Variants in MYO1H observed in about 807,000 individuals in gnomAD.
The protein encoded by MYO1H is unconventional myosin-Ih.
A neutral mutation model predicts 149.3 loss-of-function variants in MYO1H; 118 were observed. The observed-to-expected ratio is 0.79, with a 90% CI of 0.68 to 0.92. The LOEUF (loss-of-function observed/expected upper bound fraction) is 0.92. MYO1H is among the 40% of genes least tolerant of loss of function. The pLI, the probability that MYO1H is intolerant of heterozygous loss-of-function variation, is 0.00. For synonymous variants in MYO1H, 447 were observed against 465.2 expected, an observed-to-expected ratio of 0.96 and a Z score of 0.50; for missense variants, 1,212 against 1,280.7, an observed-to-expected ratio of 0.95 and a Z score of 0.82.
At chr12:109,411,791 G>C in intron 13 of MYO1H, 103 bp from the exon 14 acceptor site, 1 of 747,524 alleles carries the variant, frequency 1.3e-6, no homozygotes, top group Non-Finnish European at 2.2e-6. Context: ...TGAATTGACA[G>C]TCTTTTAGTC....
At position 109,435,749 on chromosome 12, in the gene MYO1H, G is replaced by A. The variant is rs78285408; in HGVS notation, c.2140+636G>A. 2.0e-3 allele frequency among the ~76,000 whole-genome samples: 298 copies of A among 152,326 alleles called. 2 individuals carry two copies. In the East Asian group the frequency reaches 0.027, roughly 14 times the overall value. On this transcript the variant is annotated intron_variant, in intron 21 of 31. Transcript: ENST00000310903. ...TTTCTATGCAGGGAAACTGAGGCAC[G>A]GAGGTGTTGGTAACTTGTTGAAGGC...
intron 22 of MYO1H, 78 bp from the exon 23 acceptor site, chr12:109,438,458 A>G: frequency 8.6e-7 from 1 of 1,158,124 alleles, no homozygotes; most frequent in Non-Finnish European, 1.3e-6. Context: ...TGTTGAATGG[A>G]CAAAGCCTTC....
intron 1 of MYO1H, among the ~76,000 whole-genome samples, chr12:109,362,394 T>A (rs537723029): frequency 2.0e-5 from 3 of 152,346 alleles, no homozygotes; most frequent in Admixed American, 2.0e-4. Flanking sequence ...CACTATGTTT[T>A]GTTTTGTAGG....
chr12:109,327,134 C>CTTTTTTTTTTTTTTTTTTTT, the MYO1H span, among the ~76,000 whole-genome samples: 1 of 94,744 alleles, frequency 1.1e-5, no homozygotes, highest in Non-Finnish European at 2.0e-5. Context: ...TTTTCTTTTT[C>CTTTTTTTTTTTTTTTTTTTT]TTTTTTTTTT....
chr12:109,313,762 G>A, the MYO1H span, among the ~76,000 whole-genome samples: 1 of 152,096 alleles, frequency 6.6e-6, no homozygotes, highest in Admixed American at 6.5e-5. Context: ...CACTGGGCAA[G>A]TTGCAAGAGC....
the MYO1H span, among the ~76,000 whole-genome samples, chr12:109,335,577 AC>A: frequency 2.3e-5 from 3 of 129,344 alleles, no homozygotes; most frequent in African/African-American, 8.0e-5. Context: ...AAACAAACAA[AC>A]AAAAAAAAAA....
In MYO1H at chr12:109,443,174, A is replaced by ATGTGTGTATATG. The variant is rs1872281644; in HGVS notation, c.2689-336_2689-325dup. ...CGTATGTGTGTGTATATGTGTACGT[A>ATGTGTGTATATG]TGTGTGTATATGTGTACGTATATGT... On this transcript the variant is annotated intron_variant, in intron 27 of 31. Coordinates refer to ENST00000310903, the Ensembl canonical transcript of MYO1H. Among the ~76,000 whole-genome samples, 2 of 115,590 alleles carry ATGTGTGTATATG rather than the reference A, an allele frequency of 1.7e-5. 1 individual carries two copies. Among genetic ancestry groups the ATGTGTGTATATG allele is most frequent in the Non-Finnish European group, 3.6e-5 (2 of 56,282 alleles). The allele number at this position is 115,590 out of a possible 152,430, so 75.8% of individuals were successfully genotyped here.
intron 15 of MYO1H, among the ~76,000 whole-genome samples, chr12:109,420,288 C>G (rs961065362): frequency 3.3e-5 from 5 of 152,080 alleles, no homozygotes. Flanking sequence ...CAATGAGGGA[C>G]ATGTTACCCG....
At chr12:109,431,670 C>T (rs1368575715) in intron 19 of MYO1H, among the ~76,000 whole-genome samples, 3 of 152,174 alleles carry the variant, frequency 2.0e-5, no homozygotes, top group Non-Finnish European at 4.4e-5. Flanking sequence ...CTTCTGAATT[C>T]TGCGTTCAGT....
exon 19 of MYO1H, chr12:109,427,511 T>C: frequency 6.2e-7 from 1 of 1,612,736 alleles, no homozygotes; most frequent in Non-Finnish European, 8.5e-7. Flanking sequence ...ATCAAATACC[T>C]GGGGCTGATG....
upstream of MYO1H, among the ~76,000 whole-genome samples, chr12:109,343,401 G>T (rs911972055): frequency 6.6e-6 from 1 of 152,122 alleles, no homozygotes; most frequent in South Asian, 2.1e-4. Flanking sequence ...AGAAACCACA[G>T]CAATCATTTA....
In MYO1H at chr12:109,439,547, C is replaced by T. The variant is rs1872022450; in HGVS notation, c.2295-84C>T. 8.0e-6 allele frequency: 11 copies of T among 1,378,676 alleles called. No individual in the cohort carries two copies. In the South Asian group the frequency reaches 8.3e-5, roughly 10 times the overall value. 85.4% of individuals were successfully genotyped at this position (1,378,676 alleles called of 1,614,324 possible). A position where few individuals can be genotyped will look rare whatever the true frequency, so the allele number is the denominator to read the frequency against. ...TCCACAGCCTCTACCACTTTGGCCGCCTCTGAATCAAAGAAGGGGGAAGAG... is the reference window on the plus strand; with the variant it reads ...TCCACAGCCTCTACCACTTTGGCCGTCTCTGAATCAAAGAAGGGGGAAGAG... On this transcript the variant is annotated intron_variant, in intron 23 of 31. Transcript: ENST00000310903.
the MYO1H span, among the ~76,000 whole-genome samples, chr12:109,325,778 T>A: frequency 6.6e-6 from 1 of 152,196 alleles, no homozygotes; most frequent in East Asian, 1.9e-4. Context: ...GAGACCCTTC[T>A]CAAAAGAAGA....
At chr12:109,316,600 TGTG>T in the MYO1H span, among the ~76,000 whole-genome samples, 5 of 152,206 alleles carry the variant, frequency 3.3e-5, no homozygotes, top group African/African-American at 4.8e-5. Context: ...AATCATTTAG[TGTG>T]AAATTGCAGA....
chr12:109,342,613 G>A, the MYO1H span, among the ~76,000 whole-genome samples: 1 of 149,322 alleles, frequency 6.7e-6, no homozygotes, highest in Non-Finnish European at 1.5e-5. Context: ...TGTGAACATG[G>A]CTCACTGCAG....
rs371693422 is a variant in MYO1H, at chr12:109,443,559, C to T, written c.2734C>T (p.Arg912Trp). 1.7e-5 allele frequency: 27 copies of T among 1,613,648 alleles called. No homozygotes were observed. The highest frequency in any genetic ancestry group is 8.9e-5 in the East Asian group (4 of 44,874). ...ATATGACAGAAAAGGCTTCAAAGCACGGCAGCGGCAACTCATTCTTACTCA... is the reference window on the plus strand; with the variant it reads ...ATATGACAGAAAAGGCTTCAAAGCATGGCAGCGGCAACTCATTCTTACTCA... Residue 912 changes from arginine (R) to tryptophan (W), a missense_variant, in exon 28 of 32, where the codon CGG becomes TGG. Coordinates refer to ENST00000310903, the Ensembl canonical transcript of MYO1H.
intron 4 of MYO1H, among the ~76,000 whole-genome samples, chr12:109,397,014 G>T (rs1014528081): frequency 2.6e-5 from 4 of 151,526 alleles, no homozygotes; most frequent in Non-Finnish European, 5.9e-5. Context: ...TTTTAGTAGA[G>T]ACGGGGTTTC....
chr12:109,447,271 C>G, exon 32 of MYO1H: 1 of 1,179,670 alleles, frequency 8.5e-7, no homozygotes, highest in Non-Finnish European at 1.2e-6. Flanking sequence ...CAGTTAGCTA[C>G]CTCTTCAAGG....
chr12:109,349,874 T>C (rs1264145211), intron 1 of MYO1H, among the ~76,000 whole-genome samples: 3 of 148,878 alleles, frequency 2.0e-5, no homozygotes, highest in Non-Finnish European at 3.0e-5. Flanking sequence ...GGCAGGAGAA[T>C]GGCGTGAACC....
Sources: allele counts gnomAD v4.1 joint callset (sites outside exome capture counted in the v4.1 genomes callset), GRCh38; gene constraint gnomAD v4.1.1; transcripts MANE v1.5; gene names NCBI Gene and HGNC (gene_info 2026-07-23, HGNC 2026-07-21).